COPS4: variants seen among roughly 807,000 people sequenced by gnomAD.
The protein encoded by COPS4 is COP9 signalosome complex subunit 4.
Under a neutral mutation model 55.1 loss-of-function variants are expected in COPS4, and 8 were observed. The observed-to-expected ratio is 0.15, with a 90% CI of 0.09 to 0.26. The LOEUF is 0.26. Ranked by LOEUF, COPS4 falls within the 10% of genes least tolerant of loss-of-function variation. The probability of loss-of-function intolerance (pLI) is 1.00; values close to 1 mark genes in which losing one functional copy is unlikely to be tolerated. For missense variants in COPS4, 248 were observed against 484.0 expected, an observed-to-expected ratio of 0.51 and a Z score of 4.58; for synonymous variants, 185 against 165.7, an observed-to-expected ratio of 1.12 and a Z score of -0.90.
At chr4:83,035,901 G>A (rs1730404033) in intron 1 of COPS4, 1 of 154,816 alleles carries the variant, frequency 6.5e-6, no homozygotes, top group Non-Finnish European at 1.4e-5. Flanking sequence ...CGTGGGTCAG[G>A]ATGTCTACAG....
chr4:83,045,567 A>G, intron 1 of COPS4, 59 bp from the exon 2 acceptor site: 1 of 1,305,296 alleles, frequency 7.7e-7, no homozygotes, highest in Non-Finnish European at 1.1e-6. Context: ...TACACATCAA[A>G]GTTTGCATTA....
intron 9 of COPS4, among the ~76,000 whole-genome samples, chr4:83,074,153 C>T (rs1284870545): frequency 6.6e-6 from 1 of 152,058 alleles, no homozygotes; most frequent in Admixed American, 6.6e-5. Flanking sequence ...ATCCTTCAGT[C>T]AAGTACAGAT....
chr4:83,064,317 A>G (rs1731244388), intron 7 of COPS4, among the ~76,000 whole-genome samples: 1 of 150,978 alleles, frequency 6.6e-6, no homozygotes, highest in Non-Finnish European at 1.5e-5. Flanking sequence ...GGTTTCAGTG[A>G]CAGTGTAAGA....
At chr4:83,042,011 C>T (rs776205928) in intron 1 of COPS4, among the ~76,000 whole-genome samples, 2 of 150,896 alleles carry the variant, frequency 1.3e-5, no homozygotes, top group Non-Finnish European at 3.0e-5. Context: ...ATTACAGGCA[C>T]GTGCCACCAC....
In COPS4 at chr4:83,049,992, A is replaced by T; in HGVS notation, c.410+8A>T. 1 of 1,520,720 alleles carries T rather than the reference A, an allele frequency of 6.6e-7. No homozygotes were observed. Among genetic ancestry groups the T allele is most frequent in the Non-Finnish European group, 9.1e-7 (1 of 1,101,436 alleles). 94.2% of individuals were successfully genotyped at this position (1,520,720 alleles called of 1,614,324 possible). A position where few individuals can be genotyped will look rare whatever the true frequency, so the allele number is the denominator to read the frequency against. On this transcript the variant is annotated splice_region_variant and intron_variant, in intron 4 of 9. Transcript: ENST00000264389. The stretch of plus-strand genomic sequence containing the variant: ...TTTGGAAACAGGACAAAAGTATAGT[A>T]AATAGTGGATATTGGATGACTATAT...
chr4:83,075,565 T>A lies in COPS4; in HGVS notation c.*135T>A. On this transcript the variant is annotated 3_prime_UTR_variant, in exon 10 of 10. Transcript: ENST00000264389. ...TGCTGGATTCCGTTTAAAGAAGACA[T>A]TATTAGAGCAGGAAGTACAAGCATT... is the stretch of plus-strand genomic sequence containing the variant. The A allele has an allele frequency of 1.1e-6, 1 of 943,966 alleles. No individual in the cohort carries two copies. The highest frequency in any genetic ancestry group is 1.5e-6 in the Non-Finnish European group (1 of 653,882). 58.5% of individuals were successfully genotyped at this position (943,966 alleles called of 1,614,324 possible).
intron 2 of COPS4, among the ~76,000 whole-genome samples, chr4:83,048,222 T>C (rs1004095156): frequency 7.2e-5 from 11 of 152,174 alleles, no homozygotes; most frequent in Admixed American, 3.9e-4. Context: ...CAGAGAAGCA[T>C]AGAGAAGTTA....
At chr4:83,056,882 T>G (rs780649001) in intron 4 of COPS4, 44 bp from the exon 5 acceptor site, 1 of 1,474,166 alleles carries the variant, frequency 6.8e-7, no homozygotes, top group Non-Finnish European at 9.3e-7. Context: ...AAAATTTTCT[T>G]GACAAAATGT....
At chr4:83,072,055 A>AT (rs1162834158) in intron 9 of COPS4, among the ~76,000 whole-genome samples, 2 of 151,446 alleles carry the variant, frequency 1.3e-5, no homozygotes, top group East Asian at 3.9e-4. Context: ...TGTCACAAAT[A>AT]TTTTTTTCCA....
intron 8 of COPS4, among the ~76,000 whole-genome samples, chr4:83,067,390 C>T (rs927033430): frequency 2.0e-5 from 3 of 151,978 alleles, no homozygotes; most frequent in South Asian, 2.1e-4. Context: ...TACAGCACCA[C>T]GCCCAGCTAA....
intron 5 of COPS4, 70 bp downstream of exon 5, chr4:83,057,149 A>T: frequency 6.6e-7 from 1 of 1,518,160 alleles, no homozygotes; most frequent in South Asian, 1.2e-5. Flanking sequence ...GTTCCAGGAC[A>T]TCTGATAGAT....
intron 2 of COPS4, among the ~76,000 whole-genome samples, chr4:83,048,645 G>T (rs1455994136): frequency 4.0e-5 from 6 of 151,794 alleles, no homozygotes; most frequent in Non-Finnish European, 4.4e-5. Context: ...ATTAATTAAT[G>T]AATTAATTAA....
intron 6 of COPS4, among the ~76,000 whole-genome samples, chr4:83,059,887 G>A (rs1324836796): frequency 6.6e-6 from 1 of 151,832 alleles, no homozygotes; most frequent in East Asian, 1.9e-4. Flanking sequence ...TTTTTTAGTA[G>A]AGACGGGGTT....
At chr4:83,069,911 G>A (rs1164523891) in intron 9 of COPS4, among the ~76,000 whole-genome samples, 1 of 152,200 alleles carries the variant, frequency 6.6e-6, no homozygotes, top group Non-Finnish European at 1.5e-5. Flanking sequence ...AGGAACCTGA[G>A]GTTAGCAGTT....
intron 1 of COPS4, among the ~76,000 whole-genome samples, chr4:83,037,898 C>T (rs1420442875): frequency 6.6e-6 from 1 of 152,150 alleles, no homozygotes; most frequent in East Asian, 1.9e-4. Flanking sequence ...CTCTAAAAAG[C>T]TCATTTTAAA....
rs140918517 is a variant in COPS4 at position 83,043,399 on chromosome 4, G to C, written c.75-2227G>C. On this transcript the variant is annotated intron_variant, in intron 1 of 9. Transcript: ENST00000264389. ...CCAGGGGTCGTGGCACATGCCTGTA[G>C]TCCTAGCTACTCAGGAGGCAGAAGC... 1.1e-3 allele frequency among the ~76,000 whole-genome samples: 166 copies of C among 151,558 alleles called. 1 individual carries two copies. Among genetic ancestry groups the C allele is most frequent in the African/African-American group, 3.8e-3 (159 of 41,360 alleles).
intron 1 of COPS4, among the ~76,000 whole-genome samples, chr4:83,039,744 G>A (rs747196428): frequency 1.5e-4 from 23 of 152,080 alleles, no homozygotes; most frequent in Non-Finnish European, 2.6e-4. Context: ...CAATCTTCTC[G>A]CCTTAGCCTC....
intron 3 of COPS4, 88 bp downstream of exon 3, chr4:83,049,405 T>C (rs1357259140): frequency 8.5e-7 from 1 of 1,174,064 alleles, no homozygotes; most frequent in Non-Finnish European, 1.2e-6. Context: ...AAGGAGATAA[T>C]CATCCAATTT....
intron 6 of COPS4, among the ~76,000 whole-genome samples, chr4:83,058,411 G>T (rs1025567408): frequency 1.3e-5 from 2 of 151,888 alleles, no homozygotes; most frequent in African/African-American, 4.8e-5. Flanking sequence ...TAGAGATGGG[G>T]TTTCTCCATA....
Sources: gnomAD v4.1 joint callset for allele counts (sites outside exome capture counted in the v4.1 genomes callset) on GRCh38, gnomAD v4.1.1 for gene constraint, MANE v1.5 for transcripts, NCBI Gene and HGNC (gene_info 2026-07-23, HGNC 2026-07-21) for gene names.